Variants in HOOK1 observed in about 807,000 individuals in gnomAD.
HOOK1 encodes hook microtubule tethering protein 1.
A neutral mutation model predicts 112.8 loss-of-function variants in HOOK1; 60 were observed. The observed-to-expected ratio is 0.53, with a 90% CI of 0.43 to 0.66. The LOEUF is 0.66. Among genes scored for constraint, HOOK1 ranks in the 30% least tolerant of loss-of-function variants. HOOK1 has a pLI of 0.00. For missense variants in HOOK1, 770 were observed against 856.0 expected (o/e 0.90, Z 1.25); for synonymous variants, 294 against 283.8 (o/e 1.04, Z -0.36).
rs1245660075 is a variant in HOOK1, at chr1:59,874,084, ATG to A, written c.*1122_*1123del. The A allele has an allele frequency of 6.6e-6, 1 of 152,010 alleles. No individual in the cohort carries two copies. Among genetic ancestry groups the A allele is most frequent in the African/African-American group, 2.4e-5 (1 of 41,400 alleles). 9.4% of individuals were successfully genotyped at this position (152,010 alleles called of 1,614,324 possible). A position where few individuals can be genotyped will look rare whatever the true frequency, so the allele number is the denominator to read the frequency against. On this transcript the variant is annotated 3_prime_UTR_variant, in exon 22 of 22. Transcript: ENST00000371208. ...CTTTTGAATTTTAGTTGTGTTAAAT[ATG>A]TGCTGTCGTATATCATAGCCATGAG...
intron 19 of HOOK1, 50 bp from the exon 20 acceptor site, chr1:59,868,200 T>C: frequency 1.0e-6 from 1 of 990,330 alleles, no homozygotes; most frequent in African/African-American, 1.7e-5. Context: ...TTCTATATGT[T>C]TTAATACTTT....
chr1:59,875,881 A>G lies in HOOK1; in HGVS notation c.*2916A>G, dbSNP rs1285764119. On this transcript the variant is annotated 3_prime_UTR_variant, in exon 22 of 22. Coordinates refer to ENST00000371208, the MANE Select transcript of HOOK1 (RefSeq NM_015888.6). ...AATATTAAAGTGAGTATTCCTCATT[A>G]TGTCATCATTTCTGATAATTAGAGT... 1 of 152,394 alleles carries G rather than the reference A, an allele frequency of 6.6e-6. No individual in the cohort carries two copies. The highest frequency in any genetic ancestry group is 1.5e-5 in the Non-Finnish European group (1 of 68,034). The allele number at this position is 152,394 out of a possible 1,614,324, so 9.4% of individuals were successfully genotyped here.
At chr1:59,845,872 CAT>C (rs1294969914) in intron 9 of HOOK1, among the ~76,000 whole-genome samples, 3 of 151,980 alleles carry the variant, frequency 2.0e-5, no homozygotes, top group Admixed American at 6.6e-5. Context: ...CTACTAGTCT[CAT>C]AGAATAACTG....
chr1:59,856,683 C>T (rs894126880), intron 12 of HOOK1, among the ~76,000 whole-genome samples: 7 of 152,106 alleles, frequency 4.6e-5, no homozygotes, highest in African/African-American at 1.7e-4. Context: ...TGTGTAGCCA[C>T]TGAAGTCTCT....
intron 3 of HOOK1, 35 bp from the exon 4 acceptor site, chr1:59,832,128 T>C: frequency 8.2e-7 from 1 of 1,212,668 alleles, no homozygotes; most frequent in South Asian, 1.4e-5. Flanking sequence ...TCATTATTAA[T>C]CTGAAATAAG....
At chr1:59,829,234 GT>G (rs2098392113) in intron 3 of HOOK1, among the ~76,000 whole-genome samples, 1 of 152,046 alleles carries the variant, frequency 6.6e-6, no homozygotes, top group Non-Finnish European at 1.5e-5. Flanking sequence ...GCCTGCATTA[GT>G]AGTTATTTCT....
Position 59,852,698 on chromosome 1 carries a change from A to G in HOOK1, c.1242+3515A>G, listed in dbSNP as rs79854444. Among the ~76,000 whole-genome samples the G allele has an allele frequency of 4.2e-3, 630 of 151,594 alleles. 11 individuals carry two copies. The highest frequency in any genetic ancestry group is 0.017 in the East Asian group (90 of 5,160). On this transcript the variant is annotated intron_variant, in intron 12 of 21. Coordinates refer to ENST00000371208, the MANE Select transcript of HOOK1 (RefSeq NM_015888.6). ...TAAAGGAACACAAATTCCTTTGTAT[A>G]TAAGTTTTTTTTTCCTAGTTAAGAT...
chr1:59,817,367 A>G (rs1477265072), intron 1 of HOOK1, among the ~76,000 whole-genome samples: 2 of 152,086 alleles, frequency 1.3e-5, no homozygotes, highest in Non-Finnish European at 2.9e-5. Flanking sequence ...TAAGTGTTAT[A>G]TTACCATTTT....
intron 20 of HOOK1, among the ~76,000 whole-genome samples, 157 bp downstream of exon 20, chr1:59,868,508 G>A (rs572766849): frequency 9.7e-4 from 148 of 152,296 alleles, no homozygotes; most frequent in African/African-American, 3.3e-3. Flanking sequence ...CTCACTGGCC[G>A]CCCAATAGAT....
Position 59,815,155 on chromosome 1 carries a change from C to T in HOOK1, c.38C>T (p.Pro13Leu), listed in dbSNP as rs769592128. The change falls in exon 1 of 22, where the codon CCC becomes CTC. Residue 13 changes from proline (P) to leucine (L), a missense_variant. Physicochemically the swap from Pro to Leu is moderately conservative, Grantham distance 98. Transcript: ENST00000371208. ...ETQPPPQPKLPLCDSLMIWLQ... is the reference protein window; with the variant it reads ...ETQPPPQPKLLLCDSLMIWLQ... ...CAGCCGCCGCCGCAGCCTAAGCTGCCCCTGTGCGACAGCCTCATGATCTGG... is the reference window on the plus strand; with the variant it reads ...CAGCCGCCGCCGCAGCCTAAGCTGCTCCTGTGCGACAGCCTCATGATCTGG... 5.2e-6 allele frequency: 8 copies of T among 1,543,584 alleles called. No homozygotes were observed. The highest frequency in any genetic ancestry group is 1.7e-4 in the Middle Eastern group (1 of 5,936).
intron 12 of HOOK1, among the ~76,000 whole-genome samples, chr1:59,850,264 T>C (rs1245306200): frequency 6.6e-6 from 1 of 151,522 alleles, no homozygotes; most frequent in Non-Finnish European, 1.5e-5. Context: ...ATATTCTAGA[T>C]ACAAGTTCCT....
In HOOK1 at chr1:59,872,999, A is replaced by G; in HGVS notation, c.*34A>G. 1 of 1,412,600 alleles carries G rather than the reference A, an allele frequency of 7.1e-7. No individual in the cohort carries two copies. Among genetic ancestry groups the G allele is most frequent in the Non-Finnish European group, 9.4e-7 (1 of 1,065,062 alleles). The allele number at this position is 1,412,600 out of a possible 1,614,324, so 87.5% of individuals were successfully genotyped here. A position where few individuals can be genotyped will look rare whatever the true frequency, so the allele number is the denominator to read the frequency against. On this transcript the variant is annotated 3_prime_UTR_variant, in exon 22 of 22. Coordinates refer to ENST00000371208, the MANE Select transcript of HOOK1 (RefSeq NM_015888.6). ...AAAAACAAAACAAAACAAAAAAACC[A>G]CATAAAATAGAAGTGTCCTTAAAAT...
chr1:59,821,636 G>A (rs1027616673), intron 1 of HOOK1, among the ~76,000 whole-genome samples: 1 of 152,082 alleles, frequency 6.6e-6, no homozygotes, highest in Non-Finnish European at 1.5e-5. Context: ...AATGTCCTAG[G>A]CATGATTTTG....
Position 59,858,499 on chromosome 1 carries a change from C to T in HOOK1, c.1314C>T (p.Asp438=). Reference sequence around the variant, plus strand: ...TTCGATGTTCACAAGTACAACAGGACCACCTAAACCAAACAGGTTAATTTT... The same window carrying T: ...TTCGATGTTCACAAGTACAACAGGATCACCTAAACCAAACAGGTTAATTTT... ...EELRCSQVQQ[D]HLNQTDASAT... Residue 438 remains aspartate, a synonymous_variant, in exon 13 of 22, where the codon GAC becomes GAT. Transcript: ENST00000371208. 1 of 1,609,782 alleles carries T rather than the reference C, an allele frequency of 6.2e-7. No individual in the cohort carries two copies. Among genetic ancestry groups the T allele is most frequent in the African/African-American group, 1.3e-5 (1 of 74,922 alleles).
rs1288366416 is a variant in HOOK1 at position 59,840,406 on chromosome 1, C to T, written c.621+15C>T. ...TGGATATGCAGGTACGGGAAAAAAC[C>T]CTGAGCTGAGAAAAACTTCCTCTTT... On this transcript the variant is annotated intron_variant, in intron 8 of 21. Transcript: ENST00000371208. 1.3e-6 allele frequency: 2 copies of T among 1,511,648 alleles called. No homozygotes were observed. Among genetic ancestry groups the T allele is most frequent in the African/African-American group, 2.8e-5 (2 of 70,278 alleles). 93.6% of individuals were successfully genotyped at this position (1,511,648 alleles called of 1,614,324 possible). A position where few individuals can be genotyped will look rare whatever the true frequency, so the allele number is the denominator to read the frequency against.
At chr1:59,860,954 T>G (rs534713113) in intron 15 of HOOK1, among the ~76,000 whole-genome samples, 1 of 152,104 alleles carries the variant, frequency 6.6e-6, no homozygotes, top group South Asian at 2.1e-4. Context: ...TTTTTTGTAT[T>G]TTTAGTAGAG....
In HOOK1 at chr1:59,874,887, A is replaced by C. The variant is rs1430473965; in HGVS notation, c.*1922A>C. The C allele has an allele frequency of 6.6e-6, 1 of 152,524 alleles. No individual in the cohort carries two copies. The highest frequency in any genetic ancestry group is 1.5e-5 in the Non-Finnish European group (1 of 67,980). 9.4% of individuals were successfully genotyped at this position (152,524 alleles called of 1,614,324 possible). A position where few individuals can be genotyped will look rare whatever the true frequency, so the allele number is the denominator to read the frequency against. ...ATTTGCATCTCCGAGATTAGGGAGC[A>C]CCTGTCAGGATATGTTGTTCTATCA... On this transcript the variant is annotated 3_prime_UTR_variant, in exon 22 of 22. Coordinates refer to ENST00000371208, the MANE Select transcript of HOOK1 (RefSeq NM_015888.6).
At position 59,865,931 on chromosome 1, in the gene HOOK1, A is replaced by G. The variant is rs112450725; in HGVS notation, c.1804A>G (p.Met602Val). ...GAAGAAAGATGAAGATATGAAAGCA[A>G]TGGAGGAAAGATATAAAATGTACTT... ...LQKKDEDMKA[M>V]EERYKMYLEK... Residue 602 changes from methionine to valine, a missense_variant, in exon 19 of 22, where the codon ATG becomes GTG. Around this residue, in one of 3 missense-constraint regions of HOOK1, gnomAD observed 655 missense variants for 725.9 expected, o/e 0.90. Coordinates refer to ENST00000371208, the MANE Select transcript of HOOK1 (RefSeq NM_015888.6). 6.3e-7 allele frequency: 1 copy of G among 1,598,796 alleles called. No homozygotes were observed.
intron 2 of HOOK1, among the ~76,000 whole-genome samples, chr1:59,827,054 G>A (rs2098390513): frequency 6.6e-6 from 1 of 152,154 alleles, no homozygotes; most frequent in Non-Finnish European, 1.5e-5. Flanking sequence ...CATGAGCCAT[G>A]CGCCTGGCCC....
Sources: allele counts gnomAD v4.1 joint callset (sites outside exome capture counted in the v4.1 genomes callset), GRCh38; gene constraint gnomAD v4.1.1; regional missense constraint gnomAD v4.1.1; transcripts MANE v1.5; gene names NCBI Gene and HGNC (gene_info 2026-07-23, HGNC 2026-07-21).